PCNX4: variants seen among roughly 807,000 people sequenced by gnomAD.
PCNX4 encodes pecanex 4.
In PCNX4, 103 loss-of-function variants were observed where a neutral mutation model predicts 107.2. The observed-to-expected ratio is 0.96, with a 90% confidence interval of 0.82 to 1.13. The LOEUF (loss-of-function observed/expected upper bound fraction) is 1.13. PCNX4 is among the 50% of genes most tolerant of loss of function. The pLI is 0.00. For synonymous variants in PCNX4, 541 were observed against 481.7 expected, an observed-to-expected ratio of 1.12 and a Z score of -1.61; for missense variants, 1,528 against 1,379.4, an observed-to-expected ratio of 1.11 and a Z score of -1.71.
chr14:60,118,535 C>T lies in PCNX4; in HGVS notation c.1785C>T (p.Thr595=). 6.2e-7 allele frequency: 1 copy of T among 1,613,752 alleles called. No homozygotes were observed. The highest frequency in any genetic ancestry group is 1.1e-5 in the South Asian group (1 of 91,072). The change falls in exon 7 of 11, where the codon ACC becomes ACT. Residue 595 remains threonine, a synonymous_variant. Transcript: ENST00000406854. ...LLSSPLLPLF[T]LPVFLVGFPR... ...CTTCTCCCTTACTCCCTCTTTTCAC[C>T]CTTCCTGTGTTCTTGGTGGGGTTTC...
chr14:60,102,411 T>C (rs1004772733), intron 1 of PCNX4, among the ~76,000 whole-genome samples: 10 of 152,304 alleles, frequency 6.6e-5, no homozygotes, highest in African/African-American at 2.4e-4. Flanking sequence ...CACTTTTTGT[T>C]GTTTTTTTGT....
intron 1 of PCNX4, among the ~76,000 whole-genome samples, chr14:60,106,171 A>G (rs1380808995): frequency 6.6e-6 from 1 of 152,144 alleles, no homozygotes; most frequent in Non-Finnish European, 1.5e-5. Flanking sequence ...TTTTGTGAGT[A>G]TAGTCATCCC....
rs1434900991 is a variant in PCNX4, at chr14:60,118,472, A to C, written c.1722A>C (p.Pro574=). 3 of 1,613,652 alleles carry C rather than the reference A, an allele frequency of 1.9e-6. No individual in the cohort carries two copies. The Admixed American group carries it at 5.0e-5, about 27-fold the overall frequency. ...TLCILNIVFS[P]FVLVIIVFST... ...GTATACTCAACATTGTCTTTTCTCC[A>C]TTCGTGTTGGTCATCATAGTTTTTT... The change falls in exon 7 of 11, where the codon CCA becomes CCC. Residue 574 remains proline, a synonymous_variant. Coordinates refer to ENST00000406854, the MANE Select transcript of PCNX4 (RefSeq NM_001330177.2).
At chr14:60,128,138 GAAGGA>G (rs1282908738) in intron 10 of PCNX4, among the ~76,000 whole-genome samples, 2 of 151,414 alleles carry the variant, frequency 1.3e-5, no homozygotes, top group African/African-American at 4.9e-5. Flanking sequence ...CTTAGTATCG[GAAGGA>G]GAGGAGAGAG....
intron 10 of PCNX4, among the ~76,000 whole-genome samples, chr14:60,131,527 T>C (rs182804365): frequency 2.0e-5 from 3 of 152,180 alleles, no homozygotes; most frequent in Non-Finnish European, 2.9e-5. Flanking sequence ...GCTTACACTC[T>C]GAAAACTACA....
At chr14:60,116,899 T>C (rs928062041) in intron 6 of PCNX4, among the ~76,000 whole-genome samples, 3 of 152,168 alleles carry the variant, frequency 2.0e-5, no homozygotes, top group Non-Finnish European at 4.4e-5. Context: ...TACGTGTTTT[T>C]GTATCTTCAT....
intron 2 of PCNX4, chr14:60,109,472 ACT>A (rs1477755466): frequency 2.4e-5 from 4 of 166,592 alleles, no homozygotes; most frequent in African/African-American, 4.8e-5. Flanking sequence ...TGGAGTCTTC[ACT>A]CTCTTGCCCA....
chr14:60,141,056 C>T lies in PCNX4; in HGVS notation c.*6835C>T, dbSNP rs1156253789. 6.6e-6 allele frequency: 1 copy of T among 152,198 alleles called. No individual in the cohort carries two copies. Among genetic ancestry groups the T allele is most frequent in the African/African-American group, 2.4e-5 (1 of 41,450 alleles). 9.4% of individuals were successfully genotyped at this position (152,198 alleles called of 1,614,324 possible). On this transcript the variant is annotated 3_prime_UTR_variant, in exon 11 of 11. Transcript: ENST00000406854. The stretch of plus-strand genomic sequence containing the variant: ...GATGAAAGAGGCAGCCATCCTCTTC[C>T]CTTCCTGAAAGAGTCTGCTTTTACT...
At chr14:60,117,207 C>CCACT (rs910859557) in intron 6 of PCNX4, among the ~76,000 whole-genome samples, 1 of 152,124 alleles carries the variant, frequency 6.6e-6, no homozygotes, top group Admixed American at 6.6e-5. Context: ...CATTCATTCA[C>CCACT]CACTCACTCA....
rs1896306227 is a variant in PCNX4 at position 60,141,552 on chromosome 14, A to G, written c.*7331A>G. Reference sequence around the variant, plus strand: ...ATAATCTGATTCTTGAAAACCACAAACTATTAAAACTCAACCAAGATGAAA... The same window carrying G: ...ATAATCTGATTCTTGAAAACCACAAGCTATTAAAACTCAACCAAGATGAAA... On this transcript the variant is annotated 3_prime_UTR_variant, in exon 11 of 11. Transcript: ENST00000406854. 1 of 152,218 alleles carries G rather than the reference A, an allele frequency of 6.6e-6. No homozygotes were observed. The highest frequency in any genetic ancestry group is 2.4e-5 in the African/African-American group (1 of 41,460). 9.4% of individuals were successfully genotyped at this position (152,218 alleles called of 1,614,324 possible). A position where few individuals can be genotyped will look rare whatever the true frequency, so the allele number is the denominator to read the frequency against.
At chr14:60,103,915 G>A (rs1237625083) in intron 1 of PCNX4, among the ~76,000 whole-genome samples, 1 of 152,126 alleles carries the variant, frequency 6.6e-6, no homozygotes, top group African/African-American at 2.4e-5. Context: ...TGAATAGATA[G>A]CATTATTCCG....
intron 6 of PCNX4, among the ~76,000 whole-genome samples, chr14:60,116,340 T>C (rs1025977099): frequency 1.3e-5 from 2 of 152,236 alleles, no homozygotes; most frequent in Non-Finnish European, 2.9e-5. Flanking sequence ...ATGTGATCTT[T>C]TGCATCTGGC....
In PCNX4 at chr14:60,142,146, T is replaced by A. The variant is rs527811088; in HGVS notation, c.*7925T>A. ...CAAAGGGAAACTTCTGGGGCTGATA[T>A]ATGTGTTTACTCTCTTGATTGTGGT... On this transcript the variant is annotated 3_prime_UTR_variant, in exon 11 of 11. Transcript: ENST00000406854. The surrounding 1 kb of genome is among the most constrained non-coding windows in gnomAD (Gnocchi z 4.7). 6.6e-6 allele frequency: 1 copy of A among 152,200 alleles called. No individual in the cohort carries two copies. The highest frequency in any genetic ancestry group is 2.4e-5 in the African/African-American group (1 of 41,454). The allele number at this position is 152,200 out of a possible 1,614,324, so 9.4% of individuals were successfully genotyped here.
chr14:60,106,406 A>G (rs1304703572), intron 1 of PCNX4, among the ~76,000 whole-genome samples: 3 of 152,262 alleles, frequency 2.0e-5, no homozygotes, highest in South Asian at 4.1e-4. Context: ...AAAAATCTGT[A>G]CATGTTCAGT....
chr14:60,127,382 CTG>C (rs992378830), intron 10 of PCNX4, among the ~76,000 whole-genome samples: 14 of 152,296 alleles, frequency 9.2e-5, no homozygotes, highest in African/African-American at 3.4e-4. Context: ...CCCCAGGTCT[CTG>C]TTGAAAACAT....
At position 60,114,968 on chromosome 14, in the gene PCNX4, G is replaced by A; in HGVS notation, c.870-6G>A. The stretch of plus-strand genomic sequence containing the variant: ...AAATATTTTTTTCTTTTTTTTTTCT[G>A]TACAGGTTATTAGTAATGTTCATCA... On this transcript the variant is annotated splice_polypyrimidine_tract_variant and splice_region_variant and intron_variant, in intron 3 of 10. Coordinates refer to ENST00000406854, the MANE Select transcript of PCNX4 (RefSeq NM_001330177.2). The A allele has an allele frequency of 1.9e-6, 3 of 1,557,042 alleles. No homozygotes were observed. The highest frequency in any genetic ancestry group is 3.5e-4 in the Middle Eastern group (2 of 5,750).
Position 60,118,324 on chromosome 14 carries a change from T to C in PCNX4, c.1579-5T>C, listed in dbSNP as rs928432829. 1.9e-6 allele frequency: 3 copies of C among 1,578,612 alleles called. No individual in the cohort carries two copies. Among genetic ancestry groups the C allele is most frequent in the Non-Finnish European group, 2.6e-6 (3 of 1,162,102 alleles). On this transcript the variant is annotated splice_polypyrimidine_tract_variant and splice_region_variant and intron_variant, in intron 6 of 10. Transcript: ENST00000406854. ...TAAATAAAAATAATTTTTACATTTC[T>C]ACAGGTTGGTATCATACGTGATCGT... is the stretch of plus-strand genomic sequence containing the variant.
chr14:60,133,019 GAA>G (rs140988518), intron 10 of PCNX4, among the ~76,000 whole-genome samples: 1,638 of 152,276 alleles, frequency 0.011, 30 homozygotes, highest in African/African-American at 0.038. Flanking sequence ...AGCCACTTTG[GAA>G]AACATTCTGG....
chr14:60,117,294 TTTA>T (rs1431058769), intron 6 of PCNX4, among the ~76,000 whole-genome samples: 1 of 152,200 alleles, frequency 6.6e-6, no homozygotes, highest in Non-Finnish European at 1.5e-5. Flanking sequence ...TTTTTTATCT[TTTA>T]TAATGTATTT....
Sources: allele counts gnomAD v4.1 joint callset (sites outside exome capture counted in the v4.1 genomes callset), GRCh38; gene constraint gnomAD v4.1.1; non-coding constraint Gnocchi (gnomAD v3.1); transcripts MANE v1.5; gene names NCBI Gene and HGNC (gene_info 2026-07-23, HGNC 2026-07-21).